The following ARL6IP1 variants were observed in gnomAD, a reference collection of about 807,000 sequenced individuals.
ARL6IP1 encodes ARL6 interacting reticulophagy regulator 1, also known as ADP-ribosylation factor-like protein 6-interacting protein 1.
In ARL6IP1, 16 loss-of-function variants were observed where a neutral mutation model predicts 30.1. The ratio of observed to expected loss-of-function variants is 0.53; its 90% CI spans 0.36 to 0.81. ARL6IP1 has a LOEUF of 0.81. Among genes scored for constraint, ARL6IP1 ranks in the 30% least tolerant of loss-of-function variants. ARL6IP1 has a pLI of 0.01. For synonymous variants in ARL6IP1, 72 were observed against 84.8 expected, an observed-to-expected ratio of 0.85 and a Z score of 0.83; for missense variants, 173 against 242.7, an observed-to-expected ratio of 0.71 and a Z score of 1.91.
chr16:18,798,968 G>A, intron 1 of ARL6IP1, 134 bp from the exon 2 acceptor site: 1 of 1,003,050 alleles, frequency 1.0e-6, no homozygotes, highest in Non-Finnish European at 1.4e-6. Context: ...AAACTAGTTG[G>A]TTTCTGAAAA....
rs573322243 is a variant in ARL6IP1, at chr16:18,799,983, C to A, written c.37-1149G>T. ...GCACTTGGCGGGTCGGGGGGGATTGCTTGAGCCCAGGAGATCGGGACCAGC... is the reference window on the plus strand; with the variant it reads ...GCACTTGGCGGGTCGGGGGGGATTGATTGAGCCCAGGAGATCGGGACCAGC... On this transcript the variant is annotated intron_variant, in intron 1 of 5. Coordinates refer to ENST00000304414, the MANE Select transcript of ARL6IP1 (RefSeq NM_015161.3). Among the ~76,000 whole-genome samples the A allele has an allele frequency of 6.7e-4, 102 of 152,262 alleles. 4 individuals carry two copies. The South Asian group carries it at 0.02, about 30-fold the overall frequency.
At chr16:18,800,552 G>A (rs1291816799) in intron 1 of ARL6IP1, among the ~76,000 whole-genome samples, 1 of 152,114 alleles carries the variant, frequency 6.6e-6, no homozygotes, top group Non-Finnish European at 1.5e-5. Context: ...ATAAAATCAC[G>A]CACAATCAAA....
intron 1 of ARL6IP1, chr16:18,801,086 T>C (rs1019261596): frequency 2.2e-6 from 2 of 891,634 alleles, no homozygotes; most frequent in African/African-American, 3.5e-5. Flanking sequence ...CGAATACGGC[T>C]GGGGCCTGAG....
chr16:18,795,235 T>C lies in ARL6IP1; in HGVS notation c.408+229A>G, dbSNP rs968881173. ...TATATGTCTTTTACTATTATTTCAG[T>C]AAGAAAAATGAAACAGAAGAATTTT... On this transcript the variant is annotated intron_variant, in intron 4 of 5. Transcript: ENST00000304414. 6 of 387,224 alleles carry C rather than the reference T, an allele frequency of 1.5e-5. No individual in the cohort carries two copies. The East Asian group carries it at 1.9e-4, about 13-fold the overall frequency. The allele number at this position is 387,224 out of a possible 1,614,324, so 24.0% of individuals were successfully genotyped here. A position where few individuals can be genotyped will look rare whatever the true frequency, so the allele number is the denominator to read the frequency against.
At chr16:18,801,080 T>C in intron 1 of ARL6IP1, 3 of 816,748 alleles carry the variant, frequency 3.7e-6, no homozygotes, top group Non-Finnish European at 4.8e-6. Context: ...GAAAGCCGAA[T>C]ACGGCTGGGG....
intron 2 of ARL6IP1, 104 bp from the exon 3 acceptor site, chr16:18,798,148 A>G: frequency 8.7e-7 from 1 of 1,153,932 alleles, no homozygotes; most frequent in East Asian, 2.8e-5. Flanking sequence ...CCTCTCAGAG[A>G]TATTTGCCAT....
Position 18,795,498 on chromosome 16 carries a change from C to T in ARL6IP1, c.374G>A (p.Arg125His). The stretch of plus-strand genomic sequence containing the variant: ...TTTTTCTTCCTTTAGTGTGAAGAGG[C>T]GTTTCCACCAACCCACAGCTCTGCG... ...TRRRAVGWWK[R>H]LFTLKEEKPK... is the part of the protein sequence containing the mutation. The change falls in exon 4 of 6, where the codon CGC becomes CAC. Residue 125 changes from arginine (R) to histidine (H), a missense_variant. Arg to His is a conservative substitution (Grantham distance 29, BLOSUM62 0). Coordinates refer to ENST00000304414, the MANE Select transcript of ARL6IP1 (RefSeq NM_015161.3). The T allele has an allele frequency of 1.2e-6, 2 of 1,613,040 alleles. No homozygotes were observed. Among genetic ancestry groups the T allele is most frequent in the Non-Finnish European group, 1.7e-6 (2 of 1,179,720 alleles).
At chr16:18,794,575 T>G in intron 5 of ARL6IP1, 24 bp downstream of exon 5, 3 of 1,588,574 alleles carry the variant, frequency 1.9e-6, no homozygotes, top group Non-Finnish European at 1.7e-6. Context: ...AGGATGTGCC[T>G]GTAGTTTTTC....
At chr16:18,798,658 T>C (rs912002634) in intron 2 of ARL6IP1, 43 bp downstream of exon 2, 7 of 1,587,476 alleles carry the variant, frequency 4.4e-6, no homozygotes, top group Non-Finnish European at 6.0e-6. Context: ...AAAGTCTTTA[T>C]TAATAAGAAG....
At chr16:18,798,495 A>G in intron 2 of ARL6IP1, 1 of 514,072 alleles carries the variant, frequency 1.9e-6, no homozygotes, top group Non-Finnish European at 3.2e-6. Flanking sequence ...CGAGTCACTG[A>G]TTTACTCAAG....
chr16:18,795,354 C>T, intron 4 of ARL6IP1, 110 bp downstream of exon 4: 2 of 677,254 alleles, frequency 3.0e-6, no homozygotes, highest in Non-Finnish European at 5.1e-6. Flanking sequence ...TATGAATGTA[C>T]TTAGGAATTA....
rs768805808 is a variant in ARL6IP1 at position 18,793,210 on chromosome 16, G to A, written c.*42C>T. 6 of 1,330,406 alleles carry A rather than the reference G, an allele frequency of 4.5e-6. No homozygotes were observed. The highest frequency in any genetic ancestry group is 2.3e-5 in the East Asian group (1 of 43,080). 82.4% of individuals were successfully genotyped at this position (1,330,406 alleles called of 1,614,324 possible). A position where few individuals can be genotyped will look rare whatever the true frequency, so the allele number is the denominator to read the frequency against. The stretch of plus-strand genomic sequence containing the variant: ...TAGTACAGCAGAAACGGTTCCCGGG[G>A]CAATGGGTGCTGCATTAATCACACT... On this transcript the variant is annotated 3_prime_UTR_variant, in exon 6 of 6. Coordinates refer to ENST00000304414, the MANE Select transcript of ARL6IP1 (RefSeq NM_015161.3).
chr16:18,794,415 A>G (rs185169342), intron 5 of ARL6IP1, among the ~76,000 whole-genome samples, 184 bp downstream of exon 5: 1 of 152,326 alleles, frequency 6.6e-6, no homozygotes, highest in East Asian at 1.9e-4. Context: ...TACCTCTTGC[A>G]CATTACTTTC....
chr16:18,795,145 C>CCTTCCATG, intron 4 of ARL6IP1: 1 of 230,870 alleles, frequency 4.3e-6, no homozygotes, highest in Non-Finnish European at 8.7e-6. Context: ...TGATCCTCAG[C>CCTTCCATG]CTTCCATGTA....
chr16:18,793,399 G>T, intron 5 of ARL6IP1, 29 bp from the exon 6 acceptor site: 1 of 1,330,014 alleles, frequency 7.5e-7, no homozygotes. Context: ...CCAACATTAA[G>T]GAGGCAGCAA....
chr16:18,791,987 A>C lies in ARL6IP1; in HGVS notation c.*1265T>G, dbSNP rs1359881430. On this transcript the variant is annotated 3_prime_UTR_variant, in exon 6 of 6. Coordinates refer to ENST00000304414, the MANE Select transcript of ARL6IP1 (RefSeq NM_015161.3). ...ATCAGTGCAATAAATTCACAAAACT[A>C]TATTACAGCTAGTTAATCAGTTTAA... The C allele has an allele frequency of 6.6e-6, 1 of 152,640 alleles. No homozygotes were observed. The highest frequency in any genetic ancestry group is 1.5e-5 in the Non-Finnish European group (1 of 68,038). 9.5% of individuals were successfully genotyped at this position (152,640 alleles called of 1,614,324 possible).
rs930087698 is a variant in ARL6IP1, at chr16:18,795,408, C to A, written c.408+56G>T. 3 of 1,253,012 alleles carry A rather than the reference C, an allele frequency of 2.4e-6. No homozygotes were observed. The Admixed American group carries it at 5.8e-5, about 24-fold the overall frequency. 77.6% of individuals were successfully genotyped at this position (1,253,012 alleles called of 1,614,324 possible). Reference sequence around the variant, plus strand: ...AATTATAGCTATTAAGACAAAAAGGCGAATTGACTCAAATCTTAAAATTTT... The same window carrying A: ...AATTATAGCTATTAAGACAAAAAGGAGAATTGACTCAAATCTTAAAATTTT... On this transcript the variant is annotated intron_variant, in intron 4 of 5. Coordinates refer to ENST00000304414, the MANE Select transcript of ARL6IP1 (RefSeq NM_015161.3).
In ARL6IP1 at chr16:18,793,164, C is replaced by T. The variant is rs1343854444; in HGVS notation, c.*88G>A. The T allele has an allele frequency of 9.7e-6, 8 of 826,926 alleles. No homozygotes were observed. Among genetic ancestry groups the T allele is most frequent in the Non-Finnish European group, 1.4e-5 (7 of 517,946 alleles). The allele number at this position is 826,926 out of a possible 1,614,324, so 51.2% of individuals were successfully genotyped here. On this transcript the variant is annotated 3_prime_UTR_variant, in exon 6 of 6. Transcript: ENST00000304414. ...GTGAGGGAGAACAAAGAGCTACTTC[C>T]GTAACATTTTAGTATCCAGATAGTA...
chr16:18,798,019 C>A lies in ARL6IP1; in HGVS notation c.196G>T (p.Val66Phe). 1 of 1,613,036 alleles carries A rather than the reference C, an allele frequency of 6.2e-7. No homozygotes were observed. The change falls in exon 3 of 6, where the codon GTT becomes TTT. Residue 66 changes from valine to phenylalanine, a missense_variant. Val to Phe is a conservative substitution (Grantham distance 50, BLOSUM62 -1). Transcript: ENST00000304414. ...FLIIYYLDPSVLSGVSCFVMF... is the reference protein window; with the variant it reads ...FLIIYYLDPSFLSGVSCFVMF... Reference sequence around the variant, plus strand: ...ACAAAACAGGAAACGCCGGACAGAACAGATGGATCTAGATAGTAGATAATC... The same window carrying A: ...ACAAAACAGGAAACGCCGGACAGAAAAGATGGATCTAGATAGTAGATAATC...
Sources: allele counts gnomAD v4.1 joint callset (sites outside exome capture counted in the v4.1 genomes callset), GRCh38; gene constraint gnomAD v4.1.1; transcripts MANE v1.5; gene names NCBI Gene and HGNC (gene_info 2026-07-23, HGNC 2026-07-21).